SPATA13: variants seen among roughly 807,000 people sequenced by gnomAD.
The protein encoded by SPATA13 is spermatogenesis-associated protein 13.
In SPATA13, 50 loss-of-function variants were observed where a neutral mutation model predicts 104.0. That is an observed-to-expected ratio of 0.48 (90% confidence interval 0.38 to 0.61). The LOEUF (loss-of-function observed/expected upper bound fraction) is 0.61. SPATA13 is among the 20% of genes least tolerant of loss of function. The pLI is 0.00. For synonymous variants in SPATA13, 606 were observed against 667.5 expected, an observed-to-expected ratio of 0.91 and a Z score of 1.42; for missense variants, 1,524 against 1,690.6, an observed-to-expected ratio of 0.90 and a Z score of 1.73.
chr13:24,038,310 A>G (rs1485148591), intron 3 of SPATA13, among the ~76,000 whole-genome samples: 2 of 152,186 alleles, frequency 1.3e-5, no homozygotes, highest in Non-Finnish European at 2.9e-5. Flanking sequence ...CCACATCTAT[A>G]AAAGCAAATC....
Position 24,224,260 on chromosome 13 carries a change from C to T in SPATA13, c.1331C>T (p.Ser444Phe). The T allele has an allele frequency of 6.4e-7, 1 of 1,551,718 alleles. No individual in the cohort carries two copies. Among genetic ancestry groups the T allele is most frequent in the Non-Finnish European group, 8.7e-7 (1 of 1,146,988 alleles). The change falls in exon 2 of 13, where the codon TCC (serine) becomes TTC (phenylalanine). Residue 444 changes from serine (S) to phenylalanine (F), a missense_variant. This residue lies in a region of SPATA13 where 1,089 missense variants were observed against 1,135.9 expected (regional missense o/e 0.96). Coordinates refer to ENST00000382108, the MANE Select transcript of SPATA13 (RefSeq NM_001166271.3). ...PIVQDVLSKDSCDPNAGSQLT... is the reference protein window; with the variant it reads ...PIVQDVLSKDFCDPNAGSQLT... ...GTCCAGGATGTGTTGAGCAAAGACT[C>T]CTGTGACCCAAACGCTGGCAGCCAG... is the stretch of plus-strand genomic sequence containing the variant.
chr13:24,178,952 G>A (rs1403974725), intron 1 of SPATA13, among the ~76,000 whole-genome samples: 2 of 152,136 alleles, frequency 1.3e-5, no homozygotes, highest in Non-Finnish European at 2.9e-5. Context: ...CAAGTCCCCA[G>A]CCCTAGACAA....
intron 1 of SPATA13, among the ~76,000 whole-genome samples, chr13:23,980,978 G>A (rs754498048): frequency 6.6e-6 from 1 of 152,174 alleles, no homozygotes. Context: ...CATTTAAAAA[G>A]TAAAGTACAG....
At chr13:24,133,814 A>C (rs1881464471) in intron 3 of SPATA13, among the ~76,000 whole-genome samples, 1 of 152,176 alleles carries the variant, frequency 6.6e-6, no homozygotes, top group Non-Finnish European at 1.5e-5. Context: ...TTATGGTCCA[A>C]AGGGGCAAGG....
In SPATA13 at chr13:24,150,904, G is replaced by A. The variant is rs1049339554; in HGVS notation, c.-111-71915G>A. Among the ~76,000 whole-genome samples the A allele has an allele frequency of 3.9e-5, 6 of 152,250 alleles. No individual in the cohort carries two copies. In the South Asian group the frequency reaches 8.3e-4, roughly 21 times the overall value. On this transcript the variant is annotated intron_variant, in intron 3 of 14. Transcript: ENST00000424834. The stretch of plus-strand genomic sequence containing the variant: ...ACAGCCACACGGAGACTGCTGTTTA[G>A]ATGTGTTTGCTGTCTAGATGCTGTT...
chr13:24,142,708 C>T (rs1388482986), intron 3 of SPATA13, among the ~76,000 whole-genome samples: 1 of 152,060 alleles, frequency 6.6e-6, no homozygotes, highest in Non-Finnish European at 1.5e-5. Context: ...TCTTTTTCCT[C>T]CCTTCTTCTT....
intron 3 of SPATA13, among the ~76,000 whole-genome samples, chr13:24,128,181 G>T (rs949722739): frequency 6.6e-6 from 1 of 152,296 alleles, no homozygotes; most frequent in African/African-American, 2.4e-5. Context: ...CAGTAGAGTG[G>T]ACTGTCCCAG....
chr13:24,003,138 T>C (rs76466510), intron 2 of SPATA13, among the ~76,000 whole-genome samples: 4,867 of 152,238 alleles, frequency 0.032, 180 homozygotes, highest in African/African-American at 0.088. Flanking sequence ...GTTCTGTCTG[T>C]AGCATTTTCC....
intron 3 of SPATA13, among the ~76,000 whole-genome samples, chr13:24,076,464 TTTTTGATG>T (rs1566094424): frequency 6.6e-6 from 1 of 152,082 alleles, no homozygotes; most frequent in Admixed American, 6.5e-5. Flanking sequence ...CCTGGATTTG[TTTTTGATG>T]TTTTGCTTCT....
chr13:24,229,244 G>A (rs1173032226), intron 2 of SPATA13, among the ~76,000 whole-genome samples: 1 of 152,202 alleles, frequency 6.6e-6, no homozygotes, highest in Non-Finnish European at 1.5e-5. Context: ...GGTTCAGGTA[G>A]TGCTAAATAT....
chr13:24,242,582 C>T (rs186308098), intron 2 of SPATA13, among the ~76,000 whole-genome samples: 5 of 152,108 alleles, frequency 3.3e-5, no homozygotes, highest in African/African-American at 7.2e-5. Flanking sequence ...GTCTTCTCAT[C>T]GTAAAATGGG....
chr13:24,072,748 C>G (rs986453267), intron 3 of SPATA13, among the ~76,000 whole-genome samples: 1 of 151,952 alleles, frequency 6.6e-6, no homozygotes, highest in African/African-American at 2.4e-5. Flanking sequence ...GCCCTTGGAG[C>G]CTCTCCTCCC....
intron 3 of SPATA13, among the ~76,000 whole-genome samples, chr13:24,136,572 G>C (rs1881577630): frequency 6.6e-6 from 1 of 152,120 alleles, no homozygotes; most frequent in Non-Finnish European, 1.5e-5. Flanking sequence ...ACTAGGAAAT[G>C]CTCAGAAAAA....
chr13:23,999,368 C>CAAAAAAAAAAAAAAA (rs34668799), intron 2 of SPATA13, among the ~76,000 whole-genome samples: 6 of 94,362 alleles, frequency 6.4e-5, no homozygotes, highest in Admixed American at 1.1e-4. Context: ...CATTTTCTAC[C>CAAAAAAAAAAAAAAA]AAAAAAAAAA....
At chr13:24,018,309 T>C (rs4769305) in intron 3 of SPATA13, among the ~76,000 whole-genome samples, 123,316 of 152,152 alleles carry the variant, frequency 0.81, 50,395 homozygotes, top group Middle Eastern at 0.86. Context: ...AATGTCTTTT[T>C]TGATGGACAA....
intron 3 of SPATA13, among the ~76,000 whole-genome samples, chr13:24,105,290 T>G (rs1303380632): frequency 6.6e-6 from 1 of 152,012 alleles, no homozygotes; most frequent in Non-Finnish European, 1.5e-5. Flanking sequence ...GCCAGGCTAA[T>G]TTTTATTTTT....
Position 24,297,559 on chromosome 13 carries a change from A to G in SPATA13, c.3407A>G (p.Asp1136Gly), listed in dbSNP as rs1222971866. 1 of 1,614,090 alleles carries G rather than the reference A, an allele frequency of 6.2e-7. No individual in the cohort carries two copies. Among genetic ancestry groups the G allele is most frequent in the East Asian group, 2.2e-5 (1 of 44,892 alleles). Residue 1136 changes from aspartate (D) to glycine (G), a missense_variant, in exon 11 of 13, where the codon GAC (aspartate) becomes GGC (glycine). By Grantham distance (94) the Asp-to-Gly change is moderately conservative. Coordinates refer to ENST00000382108, the MANE Select transcript of SPATA13 (RefSeq NM_001166271.3). ...GACATGGATGAGATGGAGCTTGTGGACCTGGGGGATGGGCGCGACAAGGAC... is the reference window on the plus strand; with the variant it reads ...GACATGGATGAGATGGAGCTTGTGGGCCTGGGGGATGGGCGCGACAAGGAC... ...RLDMDEMELV[D>G]LGDGRDKDCN...
At chr13:24,020,968 G>A (rs1876947939) in intron 3 of SPATA13, among the ~76,000 whole-genome samples, 1 of 152,166 alleles carries the variant, frequency 6.6e-6, no homozygotes, top group Admixed American at 6.5e-5. Flanking sequence ...TTGAACCCAG[G>A]AGGCGGTGGT....
chr13:24,096,185 C>A (rs1278932243), intron 3 of SPATA13, among the ~76,000 whole-genome samples: 2 of 152,090 alleles, frequency 1.3e-5, no homozygotes, highest in Middle Eastern at 3.2e-3. Context: ...AACCAAAGAA[C>A]AAAACAGACA....
Sources: gnomAD v4.1 joint callset for allele counts (sites outside exome capture counted in the v4.1 genomes callset) on GRCh38, gnomAD v4.1.1 for gene constraint, gnomAD v4.1.1 regional missense constraint, MANE v1.5 for transcripts, NCBI Gene and HGNC (gene_info 2026-07-23, HGNC 2026-07-21) for gene names.